The following TMEM182 variants were observed in gnomAD, a reference collection of about 807,000 sequenced individuals.
The protein encoded by TMEM182 is transmembrane protein 182.
A neutral mutation model predicts 26.8 loss-of-function variants in TMEM182; 20 were observed. That is an observed-to-expected ratio of 0.75 (90% CI 0.53 to 1.09). The LOEUF (loss-of-function observed/expected upper bound fraction) is 1.09, where lower values mean the gene tolerates loss of function less well. Among genes scored for constraint, TMEM182 ranks in the 50% least tolerant of loss-of-function variants. The probability of loss-of-function intolerance (pLI) is 0.00; values close to 1 mark genes in which losing one functional copy is unlikely to be tolerated. For synonymous variants in TMEM182, 109 were observed against 102.2 expected (o/e 1.07, Z -0.40); for missense variants, 277 against 275.5 (o/e 1.01, Z -0.04).
intron 3 of TMEM182, among the ~76,000 whole-genome samples, chr2:102,789,053 A>G (rs369853390): frequency 7.2e-5 from 11 of 152,286 alleles, no homozygotes; most frequent in South Asian, 4.1e-4. Flanking sequence ...ACAGAAGCAC[A>G]TTGCCTAAAG....
intron 3 of TMEM182, among the ~76,000 whole-genome samples, chr2:102,781,174 G>A (rs990450364): frequency 1.3e-5 from 2 of 152,188 alleles, no homozygotes; most frequent in Admixed American, 6.5e-5. Context: ...GGAAGCAGAA[G>A]TTAACTTTAT....
intron 3 of TMEM182, among the ~76,000 whole-genome samples, chr2:102,781,544 G>T (rs1421626055): frequency 6.6e-6 from 1 of 152,076 alleles, no homozygotes; most frequent in Non-Finnish European, 1.5e-5. Context: ...AGAGAGAAGG[G>T]AGATCAGTCC....
At chr2:102,794,440 C>T (rs1013845157) in intron 3 of TMEM182, among the ~76,000 whole-genome samples, 3 of 152,210 alleles carry the variant, frequency 2.0e-5, no homozygotes, top group African/African-American at 7.2e-5. Flanking sequence ...ACTCCGGTGT[C>T]ATTTCTCTTT....
chr2:102,762,528 A>G, intron 1 of TMEM182, 59 bp from the exon 2 acceptor site: 1 of 1,567,582 alleles, frequency 6.4e-7, no homozygotes, highest in Non-Finnish European at 8.7e-7. Flanking sequence ...TACTGGCTGT[A>G]ATGATTTTGA....
chr2:102,741,347 A>T (rs998686128), intron 1 of TMEM182, among the ~76,000 whole-genome samples: 4 of 152,180 alleles, frequency 2.6e-5, no homozygotes, highest in Non-Finnish European at 2.9e-5. Flanking sequence ...GATGTTACGT[A>T]CAGAAGATCC....
At chr2:102,806,097 C>A (rs568351095) in intron 4 of TMEM182, among the ~76,000 whole-genome samples, 3 of 152,252 alleles carry the variant, frequency 2.0e-5, no homozygotes, top group Non-Finnish European at 4.4e-5. Context: ...ACCATCCTAT[C>A]CCCCAAATAG....
At chr2:102,825,353 C>T (rs951092797) in intron 3 of TMEM182, among the ~76,000 whole-genome samples, 3 of 152,154 alleles carry the variant, frequency 2.0e-5, no homozygotes, top group Non-Finnish European at 4.4e-5. Flanking sequence ...GTTAATAGTT[C>T]TAATAGGTAA....
At chr2:102,828,666 C>T (rs1359029808) in intron 3 of TMEM182, among the ~76,000 whole-genome samples, 1 of 152,134 alleles carries the variant, frequency 6.6e-6, no homozygotes, top group Non-Finnish European at 1.5e-5. Flanking sequence ...GGCTTTTCTC[C>T]TAACTTTTCT....
chr2:102,843,424 C>T (rs1383978848), exon 4 of TMEM182: 4 of 152,188 alleles, frequency 2.6e-5, no homozygotes, highest in Non-Finnish European at 5.9e-5. Flanking sequence ...GGAATTTCTT[C>T]TCTCTGTTAC....
intron 3 of TMEM182, among the ~76,000 whole-genome samples, chr2:102,796,523 G>A (rs1387315842): frequency 6.6e-6 from 1 of 152,176 alleles, no homozygotes; most frequent in Non-Finnish European, 1.5e-5. Context: ...ATAAACTATG[G>A]TAGGACAAGG....
At chr2:102,832,560 G>C (rs949651210) in intron 3 of TMEM182, among the ~76,000 whole-genome samples, 2 of 152,180 alleles carry the variant, frequency 1.3e-5, no homozygotes, top group Non-Finnish European at 2.9e-5. Context: ...GAAGAAGTTG[G>C]AACTATTGCA....
downstream of TMEM182, among the ~76,000 whole-genome samples, chr2:102,818,791 A>T (rs1223599182): frequency 8.7e-6 from 1 of 115,082 alleles, no homozygotes; most frequent in Non-Finnish European, 1.9e-5. Context: ...TCTCTAAATT[A>T]TACAGTTAAA....
At chr2:102,743,532 G>T (rs933884416) in intron 1 of TMEM182, among the ~76,000 whole-genome samples, 3 of 152,052 alleles carry the variant, frequency 2.0e-5, no homozygotes, top group Non-Finnish European at 2.9e-5. Context: ...AACAGAGAAG[G>T]CTGGATAAGA....
At chr2:102,764,264 C>T in intron 2 of TMEM182, 65 bp from the exon 3 acceptor site, 1 of 1,482,576 alleles carries the variant, frequency 6.7e-7, no homozygotes, top group Non-Finnish European at 9.4e-7. Context: ...ATTTCTGTTC[C>T]ATTAAGGATG....
At chr2:102,825,845 C>T (rs903908585) in intron 3 of TMEM182, among the ~76,000 whole-genome samples, 4 of 152,144 alleles carry the variant, frequency 2.6e-5, no homozygotes, top group Non-Finnish European at 4.4e-5. Context: ...GAATAGGTAA[C>T]TCGCCCAAGG....
At chr2:102,794,771 A>T (rs557005676) in intron 3 of TMEM182, among the ~76,000 whole-genome samples, 12 of 152,182 alleles carry the variant, frequency 7.9e-5, no homozygotes, top group African/African-American at 2.9e-4. Context: ...ATGTGTCTTG[A>T]CTAATTTATA....
intron 1 of TMEM182, among the ~76,000 whole-genome samples, chr2:102,741,566 A>G (rs1232767359): frequency 1.3e-5 from 2 of 152,166 alleles, no homozygotes; most frequent in Non-Finnish European, 2.9e-5. Flanking sequence ...TGGTAACTCG[A>G]GTCTCCTCTA....
At chr2:102,827,402 G>A (rs978139575) in intron 3 of TMEM182, among the ~76,000 whole-genome samples, 2 of 152,200 alleles carry the variant, frequency 1.3e-5, no homozygotes, top group Admixed American at 6.5e-5. Flanking sequence ...ATAAACCACA[G>A]TGAATAAAAA....
At chr2:102,778,795 A>G (rs919747077) in intron 3 of TMEM182, among the ~76,000 whole-genome samples, 1 of 152,122 alleles carries the variant, frequency 6.6e-6, no homozygotes, top group Non-Finnish European at 1.5e-5. Context: ...TAGCAATTAT[A>G]ATTCTCACAT....
Sources: gnomAD v4.1 joint callset for allele counts (sites outside exome capture counted in the v4.1 genomes callset) on GRCh38, gnomAD v4.1.1 for gene constraint, MANE v1.5 for transcripts, NCBI Gene and HGNC (gene_info 2026-07-23, HGNC 2026-07-21) for gene names.